SYNPR: variants seen among roughly 807,000 people sequenced by gnomAD.
SYNPR encodes synaptoporin.
SYNPR carries 23 observed loss-of-function variants against 32.9 expected under a neutral mutation model. The ratio of observed to expected loss-of-function variants is 0.70; its 90% CI spans 0.50 to 0.99. The LOEUF is 0.99. Ranked by LOEUF, SYNPR falls within the 50% of genes least tolerant of loss-of-function variation. The pLI, the probability that SYNPR is intolerant of heterozygous loss-of-function variation, is 0.00. For missense variants in SYNPR, 318 were observed against 349.3 expected, an observed-to-expected ratio of 0.91 and a Z score of 0.71; for synonymous variants, 146 against 135.9, an observed-to-expected ratio of 1.07 and a Z score of -0.52.
chr3:63,250,917 T>C (rs2086325955), intron 1 of SYNPR, among the ~76,000 whole-genome samples: 1 of 152,158 alleles, frequency 6.6e-6, no homozygotes, highest in Admixed American at 6.6e-5. Flanking sequence ...CTGTTTTCTT[T>C]TTTTTAGCTA....
At chr3:63,502,766 G>A (rs1701507380) in intron 3 of SYNPR, among the ~76,000 whole-genome samples, 1 of 152,112 alleles carries the variant, frequency 6.6e-6, no homozygotes, top group Non-Finnish European at 1.5e-5. Flanking sequence ...TCCATTGGAT[G>A]TAGCTCCTTT....
intron 2 of SYNPR, among the ~76,000 whole-genome samples, chr3:63,358,537 C>A (rs990733353): frequency 6.6e-6 from 1 of 152,050 alleles, no homozygotes; most frequent in Non-Finnish European, 1.5e-5. Context: ...CTCAGTTTTG[C>A]CATGTAAGGT....
At chr3:63,347,340 T>C (rs2087450477) in intron 2 of SYNPR, among the ~76,000 whole-genome samples, 1 of 152,342 alleles carries the variant, frequency 6.6e-6, no homozygotes, top group African/African-American at 2.4e-5. Context: ...TAGAATTTTC[T>C]ATGTGATTTT....
intron 4 of SYNPR, among the ~76,000 whole-genome samples, chr3:63,581,265 G>A (rs1703086292): frequency 6.6e-6 from 1 of 152,126 alleles, no homozygotes; most frequent in Non-Finnish European, 1.5e-5. Context: ...ACTGCGTTGA[G>A]AACCATTACC....
At chr3:63,358,044 G>A (rs2087605824) in intron 2 of SYNPR, among the ~76,000 whole-genome samples, 1 of 152,194 alleles carries the variant, frequency 6.6e-6, no homozygotes, top group Non-Finnish European at 1.5e-5. Flanking sequence ...TGCTATGACA[G>A]CTTTTTGCAG....
intron 2 of SYNPR, among the ~76,000 whole-genome samples, chr3:63,295,089 CCT>C (rs140102161): frequency 0.025 from 3,833 of 152,064 alleles, 142 homozygotes; most frequent in African/African-American, 0.086. Flanking sequence ...AAGGGTATTT[CCT>C]CTCTTTCTCA....
At chr3:63,306,317 G>T (rs77005938) in intron 2 of SYNPR, among the ~76,000 whole-genome samples, 1 of 151,806 alleles carries the variant, frequency 6.6e-6, no homozygotes, top group South Asian at 2.1e-4. Flanking sequence ...CCTTGGAGAG[G>T]GTTCTCCATA....
At chr3:63,211,858 C>CG in the SYNPR span, among the ~76,000 whole-genome samples, 2 of 111,492 alleles carry the variant, frequency 1.8e-5, no homozygotes, top group South Asian at 3.7e-4. Flanking sequence ...ATCCCTCCCC[C>CG]CTCCCCCGAC....
At chr3:63,600,238 G>A (rs1700019431) in intron 4 of SYNPR, among the ~76,000 whole-genome samples, 1 of 152,172 alleles carries the variant, frequency 6.6e-6, no homozygotes, top group South Asian at 2.1e-4. Flanking sequence ...AGTAAATACG[G>A]ACAGCAGCTA....
chr3:63,397,571 C>T (rs547413925), intron 2 of SYNPR, among the ~76,000 whole-genome samples: 1 of 152,178 alleles, frequency 6.6e-6, no homozygotes, highest in Non-Finnish European at 1.5e-5. Flanking sequence ...AAAACCACTA[C>T]ATTCAGCAAT....
At chr3:63,495,106 A>G (rs974465244) in intron 3 of SYNPR, among the ~76,000 whole-genome samples, 7 of 152,322 alleles carry the variant, frequency 4.6e-5, no homozygotes, top group African/African-American at 1.4e-4. Flanking sequence ...TCCTTTTTGC[A>G]GCTGGCTAGA....
chr3:63,218,566 C>G, the SYNPR span, among the ~76,000 whole-genome samples: 10 of 152,162 alleles, frequency 6.6e-5, no homozygotes, highest in African/African-American at 2.4e-4. Context: ...ACCTAGGATG[C>G]CTCTCAGGCT....
At chr3:63,518,407 C>T (rs949949726) in intron 3 of SYNPR, among the ~76,000 whole-genome samples, 3 of 152,042 alleles carry the variant, frequency 2.0e-5, no homozygotes, top group African/African-American at 2.4e-5. Flanking sequence ...TGTTTATGGG[C>T]TCTAACTGTG....
At chr3:63,396,128 T>C (rs2088209702) in intron 2 of SYNPR, among the ~76,000 whole-genome samples, 1 of 152,182 alleles carries the variant, frequency 6.6e-6, no homozygotes, top group African/African-American at 2.4e-5. Flanking sequence ...CTTGGAGTGA[T>C]TACCCCTGCA....
chr3:63,535,317 T>C (rs972338749), intron 3 of SYNPR, among the ~76,000 whole-genome samples: 10 of 152,142 alleles, frequency 6.6e-5, no homozygotes, highest in Admixed American at 6.6e-4. Context: ...AAGAAATTTT[T>C]TGTGGATAGG....
At chr3:63,552,198 G>T (rs956816296) in intron 3 of SYNPR, among the ~76,000 whole-genome samples, 1 of 152,016 alleles carries the variant, frequency 6.6e-6, no homozygotes, top group South Asian at 2.1e-4. Context: ...GCACCCGGCC[G>T]CATCTGGCTA....
At position 63,615,660 on chromosome 3, in the gene SYNPR, G is replaced by A. The variant is rs1174456462; in HGVS notation, c.*179G>A. 4.1e-6 allele frequency: 3 copies of A among 735,918 alleles called. No homozygotes were observed. The highest frequency in any genetic ancestry group is 6.4e-6 in the Non-Finnish European group (3 of 469,918). The allele number at this position is 735,918 out of a possible 1,614,324, so 45.6% of individuals were successfully genotyped here. A position where few individuals can be genotyped will look rare whatever the true frequency, so the allele number is the denominator to read the frequency against. Reference sequence around the variant, plus strand: ...TGTGAAAAATGATACTTAGAGATGAGGCGACATGAGGAGATATATTATTCA... The same window carrying A: ...TGTGAAAAATGATACTTAGAGATGAAGCGACATGAGGAGATATATTATTCA... On this transcript the variant is annotated 3_prime_UTR_variant, in exon 6 of 6. Coordinates refer to ENST00000478300, the MANE Select transcript of SYNPR (RefSeq NM_001130003.2).
intron 3 of SYNPR, among the ~76,000 whole-genome samples, chr3:63,503,477 T>C (rs900774080): frequency 6.6e-6 from 1 of 152,142 alleles, no homozygotes; most frequent in Non-Finnish European, 1.5e-5. Context: ...CTTATAATTG[T>C]ACAATATCAA....
chr3:63,504,758 A>T (rs142964244), intron 3 of SYNPR, among the ~76,000 whole-genome samples: 1,694 of 152,286 alleles, frequency 0.011, 33 homozygotes, highest in African/African-American at 0.038. Flanking sequence ...GCCATTCTGA[A>T]AGTTGGTTTG....
Sources: gnomAD v4.1 joint callset for allele counts (sites outside exome capture counted in the v4.1 genomes callset) on GRCh38, gnomAD v4.1.1 for gene constraint, MANE v1.5 for transcripts, NCBI Gene and HGNC (gene_info 2026-07-23, HGNC 2026-07-21) for gene names.